The following RORA variants were observed in gnomAD, a reference collection of about 807,000 sequenced individuals.
RORA encodes the protein nuclear receptor ROR-alpha.
RORA carries 7 observed loss-of-function variants against 69.5 expected under a neutral mutation model. That is an observed-to-expected ratio of 0.10 (90% confidence interval 0.06 to 0.19). The LOEUF (loss-of-function observed/expected upper bound fraction) is 0.19, where lower values mean the gene tolerates loss of function less well. Among genes scored for constraint, RORA ranks in the 10% least tolerant of loss-of-function variants. The pLI is 1.00. For missense variants in RORA, 457 were observed against 663.0 expected (o/e 0.69, Z 3.41); for synonymous variants, 261 against 240.8 (o/e 1.08, Z -0.78).
At chr15:61,140,185 G>A (rs141780601) in intron 1 of RORA, among the ~76,000 whole-genome samples, 1 of 152,290 alleles carries the variant, frequency 6.6e-6, no homozygotes, top group African/African-American at 2.4e-5. Flanking sequence ...TGCAAAGACA[G>A]AGGAAGAAAA....
chr15:60,950,633 G>C (rs1482969890), intron 1 of RORA, among the ~76,000 whole-genome samples: 1 of 109,780 alleles, frequency 9.1e-6, no homozygotes, highest in Non-Finnish European at 1.8e-5. Flanking sequence ...GGCAGGGGTT[G>C]CAATCCTAGT....
At chr15:60,930,886 A>G (rs1350541841) in intron 1 of RORA, among the ~76,000 whole-genome samples, 6 of 152,206 alleles carry the variant, frequency 3.9e-5, no homozygotes, top group Non-Finnish European at 8.8e-5. Context: ...TTCTAAAATG[A>G]AATGGCCTCA....
chr15:60,629,100 G>A (rs1471057886), intron 2 of RORA, among the ~76,000 whole-genome samples: 2 of 151,420 alleles, frequency 1.3e-5, no homozygotes, highest in East Asian at 3.9e-4. Context: ...CACTATCTAA[G>A]ATAGGCTCCA....
chr15:60,816,066 A>C (rs1229252597), intron 1 of RORA, among the ~76,000 whole-genome samples: 2 of 143,972 alleles, frequency 1.4e-5, no homozygotes, highest in Non-Finnish European at 3.0e-5. Context: ...GTATTTATAT[A>C]CTATAAACAG....
chr15:61,165,457 G>A (rs1326920591), intron 1 of RORA, among the ~76,000 whole-genome samples: 1 of 152,204 alleles, frequency 6.6e-6, no homozygotes, highest in Non-Finnish European at 1.5e-5. Context: ...TTGATCCAGT[G>A]TCTTTATCCT....
At chr15:60,985,901 G>A (rs151319695) in intron 1 of RORA, among the ~76,000 whole-genome samples, 4 of 152,200 alleles carry the variant, frequency 2.6e-5, no homozygotes, top group African/African-American at 7.2e-5. Flanking sequence ...TTTAAATCAA[G>A]GAGTTCTCAA....
chr15:60,865,341 C>A (rs1195715936), intron 1 of RORA, among the ~76,000 whole-genome samples: 2 of 152,200 alleles, frequency 1.3e-5, no homozygotes, highest in African/African-American at 2.4e-5. Context: ...CTCTATTATT[C>A]TATTATCTTT....
At chr15:60,825,602 C>T (rs1018806646) in intron 1 of RORA, among the ~76,000 whole-genome samples, 3 of 152,146 alleles carry the variant, frequency 2.0e-5, no homozygotes, top group Non-Finnish European at 4.4e-5. Flanking sequence ...AGGCCTGCTT[C>T]CCCATCTTCC....
chr15:61,104,117 A>G (rs887554021), intron 1 of RORA, among the ~76,000 whole-genome samples: 1 of 151,990 alleles, frequency 6.6e-6, no homozygotes, highest in Non-Finnish European at 1.5e-5. Context: ...CTTCCACCCA[A>G]CTCACCTGTC....
intron 1 of RORA, among the ~76,000 whole-genome samples, chr15:60,857,906 G>A (rs1413946509): frequency 6.6e-6 from 1 of 152,234 alleles, no homozygotes; most frequent in Non-Finnish European, 1.5e-5. Context: ...CAGGCCAAGA[G>A]AGGTGAACTG....
intron 2 of RORA, among the ~76,000 whole-genome samples, chr15:60,593,939 C>G (rs552073267): frequency 2.6e-5 from 4 of 152,248 alleles, no homozygotes; most frequent in South Asian, 4.2e-4. Context: ...CCCTCCCCAG[C>G]CCCCTTTCAA....
intron 1 of RORA, among the ~76,000 whole-genome samples, chr15:61,081,118 T>C (rs909418128): frequency 2.0e-5 from 3 of 152,282 alleles, no homozygotes; most frequent in South Asian, 2.1e-4. Context: ...GTAAGCGCCA[T>C]GGAGAGCCTC....
intron 1 of RORA, among the ~76,000 whole-genome samples, chr15:60,754,693 G>A (rs539364305): frequency 1.3e-5 from 2 of 152,226 alleles, no homozygotes; most frequent in Admixed American, 1.3e-4. Context: ...AAATCCCATA[G>A]ACTGTCAGAG....
At chr15:61,046,764 A>AG (rs1282266592) in intron 1 of RORA, among the ~76,000 whole-genome samples, 1 of 152,168 alleles carries the variant, frequency 6.6e-6, no homozygotes, top group Non-Finnish European at 1.5e-5. Flanking sequence ...TTCAACAGAG[A>AG]GGGAAAAAAC....
At chr15:60,889,190 G>C (rs529254028) in intron 1 of RORA, among the ~76,000 whole-genome samples, 159 of 152,262 alleles carry the variant, frequency 1.0e-3, no homozygotes, top group African/African-American at 3.5e-3. Flanking sequence ...TGAACTCCTC[G>C]AGGCAGGAAC....
chr15:60,599,528 G>A (rs150906078), intron 2 of RORA, among the ~76,000 whole-genome samples: 2,101 of 152,296 alleles, frequency 0.014, 64 homozygotes, highest in African/African-American at 0.049. Flanking sequence ...TCCAGCCTGG[G>A]CGACAGAGCA....
At chr15:60,609,925 G>A (rs187465080) in intron 2 of RORA, among the ~76,000 whole-genome samples, 21 of 152,202 alleles carry the variant, frequency 1.4e-4, no homozygotes, top group Admixed American at 1.2e-3. Context: ...ACAGAAGCAG[G>A]GAGGAAAACC....
chr15:60,864,484 G>GTTTTTT (rs11388901), intron 1 of RORA, among the ~76,000 whole-genome samples: 3 of 147,566 alleles, frequency 2.0e-5, no homozygotes, highest in African/African-American at 2.5e-5. Context: ...TACCATCCTT[G>GTTTTTT]TTTTTTTTTT....
intron 1 of RORA, among the ~76,000 whole-genome samples, chr15:60,864,659 C>G (rs1279772350): frequency 6.6e-6 from 1 of 152,114 alleles, no homozygotes; most frequent in Non-Finnish European, 1.5e-5. Context: ...GGGTAAGTAA[C>G]TCAGGAACAT....
Sources: allele counts gnomAD v4.1 joint callset (sites outside exome capture counted in the v4.1 genomes callset), GRCh38; gene constraint gnomAD v4.1.1; transcripts MANE v1.5; gene names NCBI Gene and HGNC (gene_info 2026-07-23, HGNC 2026-07-21).